Variants in GRIK2 observed in about 807,000 individuals in gnomAD.
GRIK2 encodes the protein glutamate ionotropic receptor kainate type subunit 2, also known as glutamate receptor ionotropic, kainate 2.
A neutral mutation model predicts 100.3 loss-of-function variants in GRIK2; 32 were observed. The ratio of observed to expected loss-of-function variants is 0.32; its 90% CI spans 0.24 to 0.43. GRIK2 has a LOEUF of 0.43. GRIK2 is among the 20% of genes least tolerant of loss of function. GRIK2 has a pLI of 1.00. For missense variants in GRIK2, 843 were observed against 1,114.9 expected (o/e 0.76, Z 3.47); for synonymous variants, 417 against 389.4 (o/e 1.07, Z -0.83).
chr6:101,737,703 C>T (rs1775738567), intron 7 of GRIK2, among the ~76,000 whole-genome samples: 1 of 152,130 alleles, frequency 6.6e-6, no homozygotes, highest in Non-Finnish European at 1.5e-5. Flanking sequence ...GAAACCATGA[C>T]TACATTTGAT....
chr6:101,533,674 G>A (rs994230648), intron 2 of GRIK2, among the ~76,000 whole-genome samples: 2 of 151,888 alleles, frequency 1.3e-5, no homozygotes, highest in African/African-American at 4.8e-5. Context: ...CAATGCCTTA[G>A]GCCAGTCATG....
intron 11 of GRIK2, among the ~76,000 whole-genome samples, chr6:101,875,089 C>T (rs963521503): frequency 3.9e-5 from 6 of 151,990 alleles, no homozygotes; most frequent in Non-Finnish European, 7.4e-5. Flanking sequence ...ACCTTTATTT[C>T]TTTCTCCTGC....
chr6:101,841,865 C>G (rs1048355583), intron 10 of GRIK2, among the ~76,000 whole-genome samples: 1 of 151,992 alleles, frequency 6.6e-6, no homozygotes, highest in African/African-American at 2.4e-5. Flanking sequence ...TTAGTTGACA[C>G]TTGGTACCTG....
At chr6:101,900,697 ATGT>A (rs1787789217) in intron 12 of GRIK2, among the ~76,000 whole-genome samples, 1 of 152,110 alleles carries the variant, frequency 6.6e-6, no homozygotes, top group African/African-American at 2.4e-5. Context: ...TTTGTGAAAG[ATGT>A]TATAAAAATT....
chr6:101,577,278 C>CT (rs1393651348), intron 2 of GRIK2, among the ~76,000 whole-genome samples: 1 of 151,742 alleles, frequency 6.6e-6, no homozygotes, highest in Non-Finnish European at 1.5e-5. Context: ...ATTAAAGTGA[C>CT]TTTTTTTATT....
At chr6:101,822,207 TACACACACACACACACACACAC>T (rs58680927) in intron 10 of GRIK2, among the ~76,000 whole-genome samples, 6 of 143,148 alleles carry the variant, frequency 4.2e-5, no homozygotes, top group African/African-American at 1.6e-4. Context: ...TGGAGAGTTT[TACACACACACACACACACACAC>T]ACACACACAC....
chr6:101,896,482 G>A (rs1787451178), intron 12 of GRIK2, among the ~76,000 whole-genome samples: 1 of 151,592 alleles, frequency 6.6e-6, no homozygotes, highest in South Asian at 2.1e-4. Context: ...CATTTTTTAA[G>A]GATAAACATG....
At chr6:101,847,217 C>T (rs1327500958) in intron 10 of GRIK2, among the ~76,000 whole-genome samples, 2 of 152,070 alleles carry the variant, frequency 1.3e-5, no homozygotes, top group African/African-American at 4.8e-5. Context: ...CATCACAGAG[C>T]ATTTTCTAAT....
In GRIK2 at chr6:101,465,063, C is replaced by T. The variant is rs116331934; in HGVS notation, c.115+65671C>T. ...TGGCTAACAGGATAATATCTGAAAG[C>T]GAAGGATCTTGACTTTCCTTGGATA... On this transcript the variant is annotated intron_variant, in intron 2 of 16. Coordinates refer to ENST00000369134, the MANE Select transcript of GRIK2 (RefSeq NM_021956.5). Among the ~76,000 whole-genome samples the T allele has an allele frequency of 4.9e-3, 742 of 152,228 alleles. 8 individuals carry two copies. Among genetic ancestry groups the T allele is most frequent in the African/African-American group, 0.017 (686 of 41,530 alleles).
chr6:101,552,493 T>G (rs1776557143), intron 2 of GRIK2, among the ~76,000 whole-genome samples: 1 of 152,132 alleles, frequency 6.6e-6, no homozygotes, highest in African/African-American at 2.4e-5. Context: ...CTGCATTATT[T>G]CTAGAGGGAA....
At chr6:101,475,203 G>A (rs535789711) in intron 2 of GRIK2, among the ~76,000 whole-genome samples, 74 of 151,902 alleles carry the variant, frequency 4.9e-4, no homozygotes, top group Middle Eastern at 6.8e-3. Context: ...TTTAGAGAAG[G>A]TGTATTGTGC....
At chr6:102,062,025 A>AT (rs35074221) in intron 16 of GRIK2, among the ~76,000 whole-genome samples, 62,838 of 146,116 alleles carry the variant, frequency 0.43, 13,379 homozygotes, top group Middle Eastern at 0.49. Context: ...GTCAGACCTT[A>AT]TTTTTTTTTT....
intron 7 of GRIK2, among the ~76,000 whole-genome samples, chr6:101,794,261 G>T (rs1780126053): frequency 6.6e-6 from 1 of 152,152 alleles, no homozygotes; most frequent in East Asian, 1.9e-4. Flanking sequence ...GATGAACCCG[G>T]TACCTCAGAT....
At chr6:101,510,185 C>A in intron 2 of GRIK2, among the ~76,000 whole-genome samples, 1 of 152,088 alleles carries the variant, frequency 6.6e-6, no homozygotes, top group East Asian at 1.9e-4. Flanking sequence ...TTCTATTGGG[C>A]AAACATGTCC....
At chr6:101,526,544 G>T (rs1258925590) in intron 2 of GRIK2, among the ~76,000 whole-genome samples, 2 of 152,048 alleles carry the variant, frequency 1.3e-5, no homozygotes, top group Non-Finnish European at 2.9e-5. Context: ...ATTAATTAAG[G>T]GCTGATATAT....
At chr6:101,529,926 G>T (rs1362954610) in intron 2 of GRIK2, among the ~76,000 whole-genome samples, 1 of 151,990 alleles carries the variant, frequency 6.6e-6, no homozygotes, top group Non-Finnish European at 1.5e-5. Flanking sequence ...TCCATCAAGG[G>T]AAGACTGCTT....
chr6:101,872,666 C>T (rs992857152), intron 11 of GRIK2, among the ~76,000 whole-genome samples: 1 of 151,866 alleles, frequency 6.6e-6, no homozygotes, highest in African/African-American at 2.4e-5. Context: ...ATTCCCCCTT[C>T]CCATCCCCTC....
intron 14 of GRIK2, among the ~76,000 whole-genome samples, chr6:102,009,519 A>G (rs780988912): frequency 4.6e-5 from 7 of 152,122 alleles, no homozygotes; most frequent in Non-Finnish European, 1.0e-4. Context: ...GTTAAAAAGG[A>G]AGAACTTCTC....
At chr6:101,813,255 A>T (rs1204342238) in intron 9 of GRIK2, among the ~76,000 whole-genome samples, 2 of 152,180 alleles carry the variant, frequency 1.3e-5, no homozygotes. Context: ...AGCAAAATAC[A>T]TATGAGGTAG....
Sources: allele counts gnomAD v4.1 joint callset (sites outside exome capture counted in the v4.1 genomes callset), GRCh38; gene constraint gnomAD v4.1.1; transcripts MANE v1.5; gene names NCBI Gene and HGNC (gene_info 2026-07-23, HGNC 2026-07-21).